The following LTBP1 variants were observed in gnomAD, a reference collection of about 807,000 sequenced individuals.
The protein encoded by LTBP1 is latent transforming growth factor beta binding protein 1, also known as latent-transforming growth factor beta-binding protein 1.
LTBP1 carries 129 observed loss-of-function variants against 207.6 expected under a neutral mutation model. The ratio of observed to expected loss-of-function variants is 0.62; its 90% CI spans 0.54 to 0.72. LTBP1 has a LOEUF of 0.72. Among genes scored for constraint, LTBP1 ranks in the 30% least tolerant of loss-of-function variants. The pLI, the probability that LTBP1 is intolerant of heterozygous loss-of-function variation, is 0.00. For synonymous variants in LTBP1, 963 were observed against 833.7 expected (o/e 1.16, Z -2.67); for missense variants, 2,281 against 2,217.2 (o/e 1.03, Z -0.58).
chr2:32,966,346 C>A (rs1169534806), intron 2 of LTBP1, among the ~76,000 whole-genome samples: 1 of 152,000 alleles, frequency 6.6e-6, no homozygotes, highest in East Asian at 1.9e-4. Context: ...TCCAGCTTAT[C>A]AATTCTTTCT....
chr2:33,060,653 G>GTGTGTT (rs1553389148), intron 3 of LTBP1, among the ~76,000 whole-genome samples: 1 of 114,998 alleles, frequency 8.7e-6, no homozygotes, highest in Non-Finnish European at 1.9e-5. Flanking sequence ...ATTCAGATCT[G>GTGTGTT]TGTGTGTGTG....
At chr2:33,130,173 A>G (rs565522443) in intron 4 of LTBP1, among the ~76,000 whole-genome samples, 4 of 152,302 alleles carry the variant, frequency 2.6e-5, no homozygotes, top group Middle Eastern at 3.4e-3. Context: ...TGCAAGTGGG[A>G]GAATGAACTG....
At chr2:33,036,456 GT>G (rs58538593) in intron 3 of LTBP1, among the ~76,000 whole-genome samples, 12 of 148,678 alleles carry the variant, frequency 8.1e-5, no homozygotes, top group African/African-American at 1.2e-4. Flanking sequence ...CATGATGAAC[GT>G]TTTTTTTTTT....
intron 22 of LTBP1, among the ~76,000 whole-genome samples, chr2:33,307,069 G>A (rs1031897975): frequency 6.6e-6 from 1 of 151,648 alleles, no homozygotes; most frequent in East Asian, 1.9e-4. Flanking sequence ...CCTGGCAACA[G>A]AGCGAGACTC....
Position 33,259,623 on chromosome 2 carries a change from T to A in LTBP1, c.2418+13T>A. ...ACCCCCTGAAAAGGTAATTTATTCA[T>A]TGCTTGCAAGTCTTTTTTTTTCAAC... On this transcript the variant is annotated intron_variant, in intron 13 of 33. Transcript: ENST00000404816. 1 of 1,599,884 alleles carries A rather than the reference T, an allele frequency of 6.3e-7. No homozygotes were observed. Among genetic ancestry groups the A allele is most frequent in the East Asian group, 2.2e-5 (1 of 44,712 alleles).
At chr2:33,161,174 T>C (rs2084431409) in intron 5 of LTBP1, among the ~76,000 whole-genome samples, 1 of 152,034 alleles carries the variant, frequency 6.6e-6, no homozygotes, top group Non-Finnish European at 1.5e-5. Flanking sequence ...GATGACATAA[T>C]AGCTATAATA....
intron 32 of LTBP1, among the ~76,000 whole-genome samples, chr2:33,390,961 A>T (rs1190089463): frequency 1.3e-5 from 2 of 151,430 alleles, no homozygotes; most frequent in African/African-American, 4.9e-5. Context: ...TGAATTTAGG[A>T]TCTATTTCAG....
At chr2:33,341,729 A>ATATATATATATATATATATAT in intron 24 of LTBP1, among the ~76,000 whole-genome samples, 1 of 93,620 alleles carries the variant, frequency 1.1e-5, no homozygotes, top group East Asian at 3.3e-4. Context: ...AAAAAAAAAA[A>ATATATATATATATATATATAT]ATATATATAT....
In LTBP1 at chr2:33,399,308, A is replaced by G. The variant is rs1234257992; in HGVS notation, c.*763A>G. The G allele has an allele frequency of 6.6e-6, 1 of 152,212 alleles. No homozygotes were observed. Among genetic ancestry groups the G allele is most frequent in the East Asian group, 1.9e-4 (1 of 5,200 alleles). The allele number at this position is 152,212 out of a possible 1,614,324, so 9.4% of individuals were successfully genotyped here. Reference sequence around the variant, plus strand: ...AACAAAAATTTTTAAAAATTTGATGATCCCCAATATATCTACCATTGTATG... The same window carrying G: ...AACAAAAATTTTTAAAAATTTGATGGTCCCCAATATATCTACCATTGTATG... On this transcript the variant is annotated 3_prime_UTR_variant, in exon 34 of 34. Coordinates refer to ENST00000404816, the MANE Select transcript of LTBP1 (RefSeq NM_206943.4).
intron 19 of LTBP1, among the ~76,000 whole-genome samples, chr2:33,283,869 T>C (rs979350640): frequency 6.6e-6 from 1 of 152,242 alleles, no homozygotes; most frequent in Non-Finnish European, 1.5e-5. Context: ...TGTCTTTTTT[T>C]CTAACTCTCC....
Position 33,091,108 on chromosome 2 carries a change from A to G in LTBP1, c.864-19474A>G, listed in dbSNP as rs142076743. Among the ~76,000 whole-genome samples, 522 of 152,290 alleles carry G rather than the reference A, an allele frequency of 3.4e-3. 3 individuals carry two copies. Among genetic ancestry groups the G allele is most frequent in the African/African-American group, 0.011 (477 of 41,548 alleles). Reference sequence around the variant, plus strand: ...TTGTGGAGCCTCCCTGTCCATGTCCAGAAAGCTGTATGAATGGAGGTTTGC... The same window carrying G: ...TTGTGGAGCCTCCCTGTCCATGTCCGGAAAGCTGTATGAATGGAGGTTTGC... On this transcript the variant is annotated intron_variant, in intron 3 of 33. Transcript: ENST00000404816.
chr2:33,016,725 A>G (rs1688435836), intron 2 of LTBP1, among the ~76,000 whole-genome samples: 1 of 152,200 alleles, frequency 6.6e-6, no homozygotes, highest in Admixed American at 6.5e-5. Context: ...AATTAAATTA[A>G]AAAGTACTTC....
chr2:32,949,443 A>G (rs1168791126), intron 2 of LTBP1, among the ~76,000 whole-genome samples: 3 of 152,196 alleles, frequency 2.0e-5, no homozygotes, highest in Non-Finnish European at 2.9e-5. Context: ...GTTTTCTAGA[A>G]TGCACTTCTC....
chr2:33,222,093 C>T lies in LTBP1; in HGVS notation c.1818C>T (p.Tyr606=), dbSNP rs766318602. The T allele has an allele frequency of 6.2e-7, 1 of 1,612,460 alleles. No individual in the cohort carries two copies. Among genetic ancestry groups the T allele is most frequent in the African/African-American group, 1.3e-5 (1 of 75,018 alleles). ...KCPKKPSYHG[Y]NQMMECLPGY... ...CTTCCCTTACAGCTTATCATGGATA[C>T]AACCAAATGATGGAATGCCTACCGG... Residue 606 remains tyrosine, a synonymous_variant, in exon 9 of 34, where the codon TAC becomes TAT. Coordinates refer to ENST00000404816, the MANE Select transcript of LTBP1 (RefSeq NM_206943.4).
chr2:33,156,088 A>T (rs572907655), intron 5 of LTBP1, among the ~76,000 whole-genome samples: 2 of 152,356 alleles, frequency 1.3e-5, no homozygotes, highest in East Asian at 3.9e-4. Context: ...GGTACCTTGC[A>T]CATATTATAT....
chr2:33,154,201 A>C (rs1375493754), intron 5 of LTBP1, among the ~76,000 whole-genome samples: 1 of 152,106 alleles, frequency 6.6e-6, no homozygotes, highest in African/African-American at 2.4e-5. Context: ...CTAGGCCTGT[A>C]GGTAGATTTT....
intron 4 of LTBP1, among the ~76,000 whole-genome samples, chr2:33,120,081 T>C (rs1458720372): frequency 6.7e-6 from 1 of 150,068 alleles, no homozygotes; most frequent in Non-Finnish European, 1.5e-5. Context: ...ATGGTTATAT[T>C]AATTCTTCTG....
At chr2:33,238,461 T>C (rs936740800) in intron 9 of LTBP1, among the ~76,000 whole-genome samples, 9 of 152,212 alleles carry the variant, frequency 5.9e-5, no homozygotes, top group Non-Finnish European at 8.8e-5. Context: ...TGTCATACTT[T>C]CTTTATTCCC....
chr2:33,102,312 T>C (rs2079784849), intron 3 of LTBP1, among the ~76,000 whole-genome samples: 1 of 152,172 alleles, frequency 6.6e-6, no homozygotes, highest in South Asian at 2.1e-4. Flanking sequence ...ATAGGATACT[T>C]AGTGTCATCC....
Sources: gnomAD v4.1 joint callset for allele counts (sites outside exome capture counted in the v4.1 genomes callset) on GRCh38, gnomAD v4.1.1 for gene constraint, MANE v1.5 for transcripts, NCBI Gene and HGNC (gene_info 2026-07-23, HGNC 2026-07-21) for gene names.